The following MCM6 variants were observed in gnomAD, a reference collection of about 807,000 sequenced individuals.
MCM6 encodes the protein minichromosome maintenance complex component 6, also known as DNA replication licensing factor MCM6.
MCM6 carries 46 observed loss-of-function variants against 94.3 expected under a neutral mutation model. That is an observed-to-expected ratio of 0.49 (90% CI 0.39 to 0.62). The LOEUF is 0.62. Among genes scored for constraint, MCM6 ranks in the 20% least tolerant of loss-of-function variants. The pLI, the probability that MCM6 is intolerant of heterozygous loss-of-function variation, is 0.00. For missense variants in MCM6, 865 were observed against 1,017.9 expected (o/e 0.85, Z 2.04); for synonymous variants, 335 against 351.9 (o/e 0.95, Z 0.54).
chr2:135,865,111 T>C lies in MCM6; in HGVS notation c.980A>G (p.Asn327Ser). 1 of 1,584,132 alleles carries C rather than the reference T, an allele frequency of 6.3e-7. No individual in the cohort carries two copies. Among genetic ancestry groups the C allele is most frequent in the Non-Finnish European group, 8.6e-7 (1 of 1,166,302 alleles). Residue 327 changes from asparagine to serine, a missense_variant, in exon 7 of 17, where the codon AAC (asparagine) becomes AGC (serine). This residue lies in a region of MCM6 where 404 missense variants were observed against 451.9 expected (regional missense o/e 0.89). Coordinates refer to ENST00000264156, the MANE Select transcript of MCM6 (RefSeq NM_005915.6). ...CTCCCATTCTTTCACAGTCATTTGG[T>C]TCTTAATGCTCTCAGCTGTCTGTTC... ...DEEQTAESIK[N>S]QMTVKEWEKV...
Position 135,876,440 on chromosome 2 carries a change from T to C in MCM6, c.-75A>G. ...TCGCTTTTTTCCAGACGCTGCAGCT[T>C]TGCGCGCGCCGCCGCCGCTTCCGCC... On this transcript the variant is annotated 5_prime_UTR_variant, in exon 1 of 17. Coordinates refer to ENST00000264156, the MANE Select transcript of MCM6 (RefSeq NM_005915.6). The C allele has an allele frequency of 8.1e-7, 1 of 1,229,682 alleles. No homozygotes were observed. The allele number at this position is 1,229,682 out of a possible 1,614,324, so 76.2% of individuals were successfully genotyped here.
chr2:135,845,572 C>G (rs2105572367), intron 15 of MCM6, among the ~76,000 whole-genome samples: 1 of 152,272 alleles, frequency 6.6e-6, no homozygotes, highest in Non-Finnish European at 1.5e-5. Flanking sequence ...ACTGTGATGA[C>G]AAAATATTCC....
At chr2:135,855,769 C>T (rs1011970219) in intron 11 of MCM6, among the ~76,000 whole-genome samples, 1 of 152,124 alleles carries the variant, frequency 6.6e-6, no homozygotes, top group Admixed American at 6.5e-5. Context: ...GTGCACTGTA[C>T]CCAATAAAAT....
At chr2:135,875,534 C>T (rs963726595) in intron 1 of MCM6, among the ~76,000 whole-genome samples, 7 of 152,152 alleles carry the variant, frequency 4.6e-5, no homozygotes, top group Admixed American at 4.6e-4. Flanking sequence ...GACCCTTCAT[C>T]CTGGAGGCCG....
At chr2:135,849,374 C>T (rs1462232384) in intron 13 of MCM6, among the ~76,000 whole-genome samples, 1 of 151,606 alleles carries the variant, frequency 6.6e-6, no homozygotes, top group African/African-American at 2.4e-5. Context: ...GGATGTGTAG[C>T]ACAAGCAAAA....
chr2:135,872,692 C>T lies in MCM6; in HGVS notation c.254+5G>A. 6.2e-7 allele frequency: 1 copy of T among 1,613,860 alleles called. No homozygotes were observed. The highest frequency in any genetic ancestry group is 8.5e-7 in the Non-Finnish European group (1 of 1,179,920). ...TCAAAGTAAAGAAGATTAATATGCCCATACCTATAGAACTCCTCTTGAATG... is the reference window on the plus strand; with the variant it reads ...TCAAAGTAAAGAAGATTAATATGCCTATACCTATAGAACTCCTCTTGAATG... On this transcript the variant is annotated splice_donor_5th_base_variant and intron_variant, in intron 2 of 16. Coordinates refer to ENST00000264156, the MANE Select transcript of MCM6 (RefSeq NM_005915.6).
chr2:135,849,716 C>T (rs1487655130), intron 13 of MCM6, among the ~76,000 whole-genome samples: 1 of 152,098 alleles, frequency 6.6e-6, no homozygotes, highest in Non-Finnish European at 1.5e-5. Flanking sequence ...TCCTAACACA[C>T]ACAAGAATAT....
chr2:135,868,894 T>A, intron 3 of MCM6, 34 bp from the exon 4 acceptor site: 1 of 1,595,532 alleles, frequency 6.3e-7, no homozygotes, highest in South Asian at 1.1e-5. Flanking sequence ...TAGTAAACAT[T>A]CATCTCTTAA....
chr2:135,872,347 C>T (rs981907232), intron 2 of MCM6, among the ~76,000 whole-genome samples: 1 of 152,118 alleles, frequency 6.6e-6, no homozygotes, highest in Non-Finnish European at 1.5e-5. Flanking sequence ...ATTCGGGAGG[C>T]TGACGCAGAA....
intron 7 of MCM6, among the ~76,000 whole-genome samples, chr2:135,863,860 C>T (rs1181783667): frequency 1.3e-5 from 2 of 151,890 alleles, no homozygotes; most frequent in Non-Finnish European, 2.9e-5. Context: ...CCTGTAATCT[C>T]AGCACTTTGG....
intron 3 of MCM6, among the ~76,000 whole-genome samples, chr2:135,869,700 A>T (rs760089690): frequency 1.3e-5 from 2 of 152,224 alleles, no homozygotes; most frequent in East Asian, 3.8e-4. Flanking sequence ...CATTTAAACC[A>T]ACAAAAATTT....
Position 135,868,749 on chromosome 2 carries a change from C to T in MCM6, c.477G>A (p.Leu159=). 7 of 1,614,106 alleles carry T rather than the reference C, an allele frequency of 4.3e-6. No individual in the cohort carries two copies. Among genetic ancestry groups the T allele is most frequent in the East Asian group, 2.2e-5 (1 of 44,882 alleles). The change falls in exon 4 of 17, where the codon TTG becomes TTA. Residue 159 remains leucine (L), a synonymous_variant. Transcript: ENST00000264156. The part of the protein sequence containing the change: ...PELVSGTFLC[L]DCQTVIRDVE... ...CATCCCTGATCACTGTCTGACAGTC[C>T]AAGCACAGAAAAGTTCCGCTCACAA... is the stretch of plus-strand genomic sequence containing the variant.
At chr2:135,873,462 G>A (rs945622879) in intron 1 of MCM6, among the ~76,000 whole-genome samples, 4 of 152,138 alleles carry the variant, frequency 2.6e-5, no homozygotes, top group South Asian at 4.1e-4. Context: ...CCAAGACTTC[G>A]GGAAAATTGA....
At position 135,852,855 on chromosome 2, in the gene MCM6, T is replaced by C. The variant is rs756081356; in HGVS notation, c.1687A>G (p.Ile563Val). 6.0e-5 allele frequency: 97 copies of C among 1,611,332 alleles called. No individual in the cohort carries two copies. In the South Asian group the frequency reaches 7.5e-4, roughly 12 times the overall value. The change falls in exon 12 of 17, where the codon ATT becomes GTT. Residue 563 changes from isoleucine to valine, a missense_variant. Transcript: ENST00000264156. ...VDLHSRIEES[I>V]DRVYSLDDIR... ...TCATCGAGGGAATAGACACGATCAATTGATTCCTCAATTCTTGAATGCAAA... is the reference window on the plus strand; with the variant it reads ...TCATCGAGGGAATAGACACGATCAACTGATTCCTCAATTCTTGAATGCAAA...
chr2:135,849,353 G>C (rs1679728364), intron 13 of MCM6, among the ~76,000 whole-genome samples: 1 of 152,166 alleles, frequency 6.6e-6, no homozygotes, highest in South Asian at 2.1e-4. Context: ...TGAGTCCCTT[G>C]ATGACCTAAT....
chr2:135,845,679 C>A (rs1281921945), intron 15 of MCM6, among the ~76,000 whole-genome samples: 1 of 152,206 alleles, frequency 6.6e-6, no homozygotes, highest in Non-Finnish European at 1.5e-5. Context: ...TTGAATTCAT[C>A]ATTTTTCCTT....
chr2:135,847,920 G>A (rs1306897330), intron 14 of MCM6, 133 bp downstream of exon 14: 2 of 613,194 alleles, frequency 3.3e-6, no homozygotes, highest in Non-Finnish European at 5.8e-6. Context: ...ACAGTGAATA[G>A]AATTCAGTAT....
At chr2:135,862,576 T>C in intron 8 of MCM6, 31 bp downstream of exon 8, 1 of 1,612,516 alleles carries the variant, frequency 6.2e-7, no homozygotes, top group South Asian at 1.1e-5. Flanking sequence ...GTACACTTTT[T>C]CCTGCAACAC....
rs573111911 is a variant in MCM6 at position 135,875,737 on chromosome 2, G to A, written c.107+522C>T. 2.0e-4 allele frequency among the ~76,000 whole-genome samples: 31 copies of A among 152,300 alleles called. 1 individual carries two copies. Among genetic ancestry groups the A allele is most frequent in the Admixed American group, 2.0e-3 (30 of 15,300 alleles). On this transcript the variant is annotated intron_variant, in intron 1 of 16. Coordinates refer to ENST00000264156, the MANE Select transcript of MCM6 (RefSeq NM_005915.6). ...GCTACTCTCTGCAGGGCAGGGCTCC[G>A]CCCCCCAGCAGCTTTCAAACCACAG...
Sources: gnomAD v4.1 joint callset for allele counts (sites outside exome capture counted in the v4.1 genomes callset) on GRCh38, gnomAD v4.1.1 for gene constraint, gnomAD v4.1.1 regional missense constraint, MANE v1.5 for transcripts, NCBI Gene and HGNC (gene_info 2026-07-23, HGNC 2026-07-21) for gene names.